The following CTNNA3 variants were observed in gnomAD, a reference collection of about 807,000 sequenced individuals.
CTNNA3 encodes catenin alpha-3.
Under a neutral mutation model 95.7 loss-of-function variants are expected in CTNNA3, and 76 were observed. The ratio of observed to expected loss-of-function variants is 0.79; its 90% CI spans 0.66 to 0.96. The LOEUF is 0.96. Among genes scored for constraint, CTNNA3 ranks in the 40% least tolerant of loss-of-function variants. The pLI, the probability that CTNNA3 is intolerant of heterozygous loss-of-function variation, is 0.00. For missense variants in CTNNA3, 1,191 were observed against 1,089.8 expected (o/e 1.09, Z -1.31); for synonymous variants, 431 against 374.4 (o/e 1.15, Z -1.74).
At chr10:66,337,901 G>A (rs1011798563) in intron 12 of CTNNA3, among the ~76,000 whole-genome samples, 1 of 151,928 alleles carries the variant, frequency 6.6e-6, no homozygotes, top group Admixed American at 6.6e-5. Flanking sequence ...TCATTCCTAG[G>A]TATCTATATA....
intron 3 of CTNNA3, among the ~76,000 whole-genome samples, chr10:67,581,387 C>A (rs1377387361): frequency 6.6e-6 from 1 of 152,018 alleles, no homozygotes; most frequent in East Asian, 1.9e-4. Flanking sequence ...GTTGAACCAG[C>A]CTTGAATCCC....
intron 13 of CTNNA3, among the ~76,000 whole-genome samples, chr10:66,203,012 T>C (rs1034424265): frequency 6.6e-6 from 1 of 152,222 alleles, no homozygotes; most frequent in Non-Finnish European, 1.5e-5. Flanking sequence ...AAGTCTCTAC[T>C]GGTCTCCACT....
At position 66,927,295 on chromosome 10, in the gene CTNNA3, A is replaced by C. The variant is rs1331054401; in HGVS notation, c.1048-151771T>G. The C allele has an allele frequency of 6.2e-7, 1 of 1,614,120 alleles. No homozygotes were observed. Among genetic ancestry groups the C allele is most frequent in the East Asian group, 2.2e-5 (1 of 44,882 alleles). On this transcript the variant is annotated intron_variant, in intron 7 of 17. Coordinates refer to ENST00000433211, the MANE Select transcript of CTNNA3 (RefSeq NM_013266.4). This position sits in a 1 kb window ranked among gnomAD's most constrained non-coding sequence, Gnocchi z 4.7. ...CAATAGAATCTCCTATTTTCTTAACAATACCTTCAGACCTGTGACAAATTT... is the reference window on the plus strand; with the variant it reads ...CAATAGAATCTCCTATTTTCTTAACCATACCTTCAGACCTGTGACAAATTT...
intron 5 of CTNNA3, among the ~76,000 whole-genome samples, chr10:67,302,024 AAAG>A (rs1199570907): frequency 7.5e-5 from 3 of 40,102 alleles, no homozygotes; most frequent in Non-Finnish European, 1.3e-4. Context: ...AGAAAGAAAG[AAAG>A]AAAGAAAGAA....
intron 7 of CTNNA3, among the ~76,000 whole-genome samples, chr10:66,875,411 TAGAA>T: frequency 7.6e-6 from 1 of 130,930 alleles, no homozygotes; most frequent in Non-Finnish European, 1.7e-5. Flanking sequence ...AAAAAAAAAA[TAGAA>T]GAAAGTAAAT....
intron 17 of CTNNA3, among the ~76,000 whole-genome samples, chr10:65,932,082 G>A (rs1375079249): frequency 6.6e-6 from 1 of 152,170 alleles, no homozygotes; most frequent in Admixed American, 6.5e-5. Flanking sequence ...AGGGAGGAGG[G>A]AAGTAGAGCT....
At position 67,581,585 on chromosome 10, in the gene CTNNA3, G is replaced by A. The variant is rs187399511; in HGVS notation, c.292+25272C>T. ...GATGCTGGCCTCATAAAATGAGTTAGGGAGGATTCCCTCTTTTTCTATTGA... is the reference window on the plus strand; with the variant it reads ...GATGCTGGCCTCATAAAATGAGTTAAGGAGGATTCCCTCTTTTTCTATTGA... On this transcript the variant is annotated intron_variant, in intron 3 of 17. Coordinates refer to ENST00000433211, the MANE Select transcript of CTNNA3 (RefSeq NM_013266.4). Among the ~76,000 whole-genome samples the A allele has an allele frequency of 3.5e-3, 531 of 152,274 alleles. 5 individuals carry two copies. Among genetic ancestry groups the A allele is most frequent in the African/African-American group, 0.012 (497 of 41,544 alleles).
chr10:66,331,366 T>TTTTTTTTTTTTTTTTTTTTTTTG (rs2092328221), intron 12 of CTNNA3, among the ~76,000 whole-genome samples: 1 of 117,162 alleles, frequency 8.5e-6, no homozygotes, highest in African/African-American at 3.3e-5. Context: ...TTTTTTTTTT[T>TTTTTTTTTTTTTTTTTTTTTTTG]TTTTTGAGAC....
intron 11 of CTNNA3, among the ~76,000 whole-genome samples, chr10:66,384,710 A>G (rs1224376368): frequency 6.6e-6 from 1 of 152,184 alleles, no homozygotes; most frequent in Non-Finnish European, 1.5e-5. Context: ...TCCTTAGCAA[A>G]TCTAAACGAA....
chr10:67,468,506 C>T (rs116043882), intron 5 of CTNNA3, among the ~76,000 whole-genome samples: 2,607 of 152,212 alleles, frequency 0.017, 78 homozygotes, highest in African/African-American at 0.057. Context: ...AAAGACTGAA[C>T]AAATCTTATG....
chr10:66,542,334 T>C (rs1158337310), intron 10 of CTNNA3, among the ~76,000 whole-genome samples: 2 of 152,068 alleles, frequency 1.3e-5, no homozygotes, highest in African/African-American at 4.8e-5. Context: ...AGTGTGGTGA[T>C]TCCTCAGGGG....
At chr10:66,915,755 T>G (rs1198075385) in intron 7 of CTNNA3, among the ~76,000 whole-genome samples, 1 of 144,752 alleles carries the variant, frequency 6.9e-6, no homozygotes, top group Non-Finnish European at 1.5e-5. Context: ...TATATACATT[T>G]TTTTTTTTTT....
chr10:66,661,492 A>G (rs1401875709), intron 9 of CTNNA3, among the ~76,000 whole-genome samples: 1 of 152,168 alleles, frequency 6.6e-6, no homozygotes, highest in Admixed American at 6.6e-5. Context: ...GCCAACCCAT[A>G]TCAAATGTCA....
intron 7 of CTNNA3, among the ~76,000 whole-genome samples, chr10:66,824,476 G>T (rs1198557567): frequency 6.6e-6 from 1 of 152,118 alleles, no homozygotes; most frequent in Non-Finnish European, 1.5e-5. Flanking sequence ...ACCCTGGTAG[G>T]CTGAAATGGT....
intron 1 of CTNNA3, among the ~76,000 whole-genome samples, chr10:67,707,479 G>A (rs549688189): frequency 5.3e-5 from 8 of 152,224 alleles, no homozygotes; most frequent in Non-Finnish European, 1.0e-4. Flanking sequence ...CTATTTACAC[G>A]TCTGGCTCAT....
At chr10:67,341,248 G>A (rs1191836144) in intron 5 of CTNNA3, among the ~76,000 whole-genome samples, 1 of 151,966 alleles carries the variant, frequency 6.6e-6, no homozygotes, top group African/African-American at 2.4e-5. Flanking sequence ...ATTGACTATA[G>A]TCACTCTGTT....
chr10:66,422,936 C>T (rs2132638751), intron 11 of CTNNA3, among the ~76,000 whole-genome samples: 1 of 151,976 alleles, frequency 6.6e-6, no homozygotes, highest in African/African-American at 2.4e-5. Flanking sequence ...AGCCAAATTT[C>T]ATTTTTAAAA....
chr10:66,538,509 G>T (rs778525904), intron 10 of CTNNA3, among the ~76,000 whole-genome samples: 1 of 152,148 alleles, frequency 6.6e-6, no homozygotes, highest in Non-Finnish European at 1.5e-5. Flanking sequence ...ATAGAGCAGC[G>T]TTGCAACAAA....
intron 5 of CTNNA3, among the ~76,000 whole-genome samples, chr10:67,308,424 A>G (rs1418555261): frequency 6.6e-6 from 1 of 152,194 alleles, no homozygotes; most frequent in African/African-American, 2.4e-5. Context: ...CATGTAAGAC[A>G]TGACTTTGCT....
Sources: allele counts gnomAD v4.1 joint callset (sites outside exome capture counted in the v4.1 genomes callset), GRCh38; gene constraint gnomAD v4.1.1; non-coding constraint Gnocchi (gnomAD v3.1); transcripts MANE v1.5; gene names NCBI Gene and HGNC (gene_info 2026-07-23, HGNC 2026-07-21).